Variants in MTUS1 observed in about 807,000 individuals in gnomAD.
The protein encoded by MTUS1 is microtubule associated scaffold protein 1.
MTUS1 carries 109 observed loss-of-function variants against 120.8 expected under a neutral mutation model. That is an observed-to-expected ratio of 0.90 (90% confidence interval 0.77 to 1.06). The LOEUF (loss-of-function observed/expected upper bound fraction) is 1.06, where lower values mean the gene tolerates loss of function less well. Among genes scored for constraint, MTUS1 ranks in the 50% least tolerant of loss-of-function variants. MTUS1 has a pLI of 0.00. For synonymous variants in MTUS1, 737 were observed against 550.5 expected, an observed-to-expected ratio of 1.34 and a Z score of -4.74; for missense variants, 2,210 against 1,486.3, an observed-to-expected ratio of 1.49 and a Z score of -8.01.
At chr8:17,762,243 C>T (rs920968746) in intron 1 of MTUS1, among the ~76,000 whole-genome samples, 1 of 152,184 alleles carries the variant, frequency 6.6e-6, no homozygotes, top group Admixed American at 6.5e-5. Flanking sequence ...CACACCACCA[C>T]ACTCCAGCCC....
chr8:17,740,721 A>T (rs1322503552), intron 3 of MTUS1, among the ~76,000 whole-genome samples: 2 of 152,182 alleles, frequency 1.3e-5, no homozygotes, highest in East Asian at 3.8e-4. Flanking sequence ...AAACAACAGA[A>T]ATTTGTTTTC....
At chr8:17,684,567 C>G in intron 6 of MTUS1, 25 bp from the exon 7 acceptor site, 3 of 1,573,534 alleles carry the variant, frequency 1.9e-6, no homozygotes, top group Non-Finnish European at 2.6e-6. Flanking sequence ...AACATAGGTA[C>G]AAAGATAGGT....
intron 7 of MTUS1, chr8:17,681,489 C>T (rs1814492814): frequency 6.5e-6 from 1 of 154,362 alleles, no homozygotes; most frequent in African/African-American, 2.4e-5. Flanking sequence ...TTACCTAACT[C>T]TATGCCTCAA....
chr8:17,676,960 C>G (rs1563183354), intron 7 of MTUS1, among the ~76,000 whole-genome samples: 1 of 152,152 alleles, frequency 6.6e-6, no homozygotes, highest in Non-Finnish European at 1.5e-5. Context: ...TCTCACCTCT[C>G]AGTAAGAGCT....
rs1215865271 is a variant in MTUS1, at chr8:17,796,456, C to T, written c.-155+4605G>A. Among the ~76,000 whole-genome samples, 8 of 152,296 alleles carry T rather than the reference C, an allele frequency of 5.3e-5. No homozygotes were observed. In the East Asian group the frequency reaches 9.7e-4, roughly 18 times the overall value. ...TACTTAAGTGAAGCACTTCCAAGTT[C>T]GACCTTGTTCACACTCTAAACTTGT... On this transcript the variant is annotated intron_variant, in intron 1 of 14. Transcript: ENST00000693296.
chr8:17,704,807 A>G (rs1819821192), intron 6 of MTUS1, among the ~76,000 whole-genome samples: 2 of 152,112 alleles, frequency 1.3e-5, no homozygotes, highest in Non-Finnish European at 2.9e-5. Flanking sequence ...AAAAAATGAC[A>G]CTGGGATTTT....
intron 1 of MTUS1, among the ~76,000 whole-genome samples, chr8:17,772,840 G>C (rs2050118655): frequency 6.6e-6 from 1 of 152,004 alleles, no homozygotes; most frequent in South Asian, 2.1e-4. Context: ...AGGAATAAAA[G>C]GTAAGGAAAA....
Position 17,707,994 on chromosome 8 carries a change from C to CA in MTUS1, c.2623+5219dup, listed in dbSNP as rs1007642590. On this transcript the variant is annotated intron_variant, in intron 6 of 14. Transcript: ENST00000693296. ...AACCTAACTATAACAGCTAGAATAG[C>CA]AAAAAAAACTTAAATGAAAACACAG... 4.3e-3 allele frequency among the ~76,000 whole-genome samples: 654 copies of CA among 151,756 alleles called. 7 individuals carry two copies. Among genetic ancestry groups the CA allele is most frequent in the African/African-American group, 0.015 (618 of 41,410 alleles).
At chr8:17,745,581 C>G (rs1172521071) in intron 2 of MTUS1, among the ~76,000 whole-genome samples, 1 of 152,218 alleles carries the variant, frequency 6.6e-6, no homozygotes, top group Non-Finnish European at 1.5e-5. Context: ...TCACAGCTTA[C>G]TCTTTAATTC....
chr8:17,686,269 G>C (rs1466657075), intron 6 of MTUS1, among the ~76,000 whole-genome samples: 2 of 152,314 alleles, frequency 1.3e-5, no homozygotes, highest in Non-Finnish European at 2.9e-5. Flanking sequence ...ACACATTTTG[G>C]AAAGCGGATT....
intron 8 of MTUS1, chr8:17,674,971 G>A: frequency 7.4e-7 from 1 of 1,349,474 alleles, no homozygotes; most frequent in Non-Finnish European, 9.5e-7. Flanking sequence ...GTTCTGCTAG[G>A]CTTAGTCAGA....
At chr8:17,766,643 G>C (rs1244351751) in intron 1 of MTUS1, among the ~76,000 whole-genome samples, 2 of 152,204 alleles carry the variant, frequency 1.3e-5, no homozygotes, top group African/African-American at 4.8e-5. Flanking sequence ...GTGTAAGAAA[G>C]TATTGTCCTG....
At chr8:17,775,843 G>C (rs1034583888) in intron 1 of MTUS1, among the ~76,000 whole-genome samples, 21 of 152,286 alleles carry the variant, frequency 1.4e-4, no homozygotes, top group African/African-American at 4.8e-4. Context: ...AAAAATAAAA[G>C]TGACAAGACA....
At chr8:17,776,655 GGT>G (rs1279215210) in intron 1 of MTUS1, among the ~76,000 whole-genome samples, 1 of 130,078 alleles carries the variant, frequency 7.7e-6, no homozygotes, top group African/African-American at 2.9e-5. Context: ...CTCCAGCCTG[GGT>G]GACTGAGTGA....
At chr8:17,721,943 C>T in intron 4 of MTUS1, 2 of 1,584,482 alleles carry the variant, frequency 1.3e-6, no homozygotes, top group South Asian at 2.3e-5. Context: ...AAACTGCAGC[C>T]ATGTTCACTC....
intron 6 of MTUS1, among the ~76,000 whole-genome samples, chr8:17,688,820 A>G (rs1028554419): frequency 2.0e-5 from 3 of 152,152 alleles, no homozygotes; most frequent in African/African-American, 4.8e-5. Flanking sequence ...ATATTTTTCT[A>G]TTTACATATA....
chr8:17,785,983 T>C (rs77214480), intron 1 of MTUS1, among the ~76,000 whole-genome samples: 2,176 of 151,950 alleles, frequency 0.014, 50 homozygotes, highest in African/African-American at 0.05. Context: ...CCCTAAAAAA[T>C]TTAAAAATTA....
chr8:17,721,909 G>A, intron 4 of MTUS1: 1 of 1,609,586 alleles, frequency 6.2e-7, no homozygotes, highest in Non-Finnish European at 8.5e-7. Flanking sequence ...CATTTAAAAG[G>A]ATCAAAGCAA....
chr8:17,649,002 C>T (rs561544307), intron 13 of MTUS1, among the ~76,000 whole-genome samples: 2 of 152,352 alleles, frequency 1.3e-5, no homozygotes, highest in South Asian at 2.1e-4. Context: ...ACACTAACAT[C>T]GTTCTCTGTT....
Sources: allele counts gnomAD v4.1 joint callset (sites outside exome capture counted in the v4.1 genomes callset), GRCh38; gene constraint gnomAD v4.1.1; transcripts MANE v1.5; gene names NCBI Gene and HGNC (gene_info 2026-07-23, HGNC 2026-07-21).